The following GRIK1 variants were observed in gnomAD, a reference collection of about 807,000 sequenced individuals.
The protein encoded by GRIK1 is glutamate ionotropic receptor kainate type subunit 1, also known as glutamate receptor ionotropic, kainate 1.
GRIK1 carries 69 observed loss-of-function variants against 105.7 expected under a neutral mutation model. The ratio of observed to expected loss-of-function variants is 0.65; its 90% CI spans 0.54 to 0.80. The LOEUF (loss-of-function observed/expected upper bound fraction) is 0.80. GRIK1 is among the 30% of genes least tolerant of loss of function. GRIK1 has a pLI of 0.00. For missense variants in GRIK1, 1,109 were observed against 1,167.3 expected (o/e 0.95, Z 0.73); for synonymous variants, 438 against 431.3 (o/e 1.02, Z -0.19).
At chr21:29,898,920 C>G (rs544363124) in intron 1 of GRIK1, among the ~76,000 whole-genome samples, 1 of 151,334 alleles carries the variant, frequency 6.6e-6, no homozygotes, top group South Asian at 2.1e-4. Context: ...TGCAGTGAGC[C>G]GAGATCACGT....
At chr21:29,762,786 C>T (rs893700854) in intron 1 of GRIK1, among the ~76,000 whole-genome samples, 1 of 152,144 alleles carries the variant, frequency 6.6e-6, no homozygotes, top group Non-Finnish European at 1.5e-5. Context: ...CCAGCCAGCC[C>T]TAATTTTCTT....
At chr21:29,885,863 G>A (rs969324193) in intron 1 of GRIK1, among the ~76,000 whole-genome samples, 3 of 152,038 alleles carry the variant, frequency 2.0e-5, no homozygotes, top group Non-Finnish European at 2.9e-5. Context: ...AGAATTAAAC[G>A]TTTAAATTGC....
Position 29,738,044 on chromosome 21 carries a change from T to A in GRIK1, c.119-43981A>T, listed in dbSNP as rs1601568311. 2.6e-5 allele frequency among the ~76,000 whole-genome samples: 4 copies of A among 152,352 alleles called. No homozygotes were observed. The South Asian group carries it at 8.3e-4, about 32-fold the overall frequency. The stretch of plus-strand genomic sequence containing the variant: ...ACTACCAGAGTGGATTATTTAGAAA[T>A]GGCTGAGAGCAACCATAGAGACAGC... On this transcript the variant is annotated intron_variant, in intron 1 of 17. Transcript: ENST00000327783.
At chr21:29,538,666 A>G (rs758480362) in intron 16 of GRIK1, among the ~76,000 whole-genome samples, 3 of 152,168 alleles carry the variant, frequency 2.0e-5, no homozygotes, top group Non-Finnish European at 4.4e-5. Context: ...CACAAAATGG[A>G]TATGGTTGAA....
chr21:29,706,685 A>C (rs2252094), intron 1 of GRIK1, among the ~76,000 whole-genome samples: 31,627 of 152,188 alleles, frequency 0.21, 6,519 homozygotes, highest in African/African-American at 0.52. Flanking sequence ...GGTTGATTGA[A>C]AATAAAGGAC....
chr21:29,844,324 A>G (rs1306659315), intron 1 of GRIK1, among the ~76,000 whole-genome samples: 1 of 152,212 alleles, frequency 6.6e-6, no homozygotes, highest in Non-Finnish European at 1.5e-5. Context: ...GCTAACACCT[A>G]GCAGCACTAA....
intron 1 of GRIK1, among the ~76,000 whole-genome samples, chr21:29,936,548 C>T (rs1011978311): frequency 2.6e-5 from 4 of 152,156 alleles, no homozygotes; most frequent in African/African-American, 4.8e-5. Context: ...CACACAATTC[C>T]CAGCAACCAG....
chr21:29,541,989 T>G (rs2146091910), intron 16 of GRIK1, among the ~76,000 whole-genome samples: 1 of 152,192 alleles, frequency 6.6e-6, no homozygotes, highest in Non-Finnish European at 1.5e-5. Flanking sequence ...AAGTATGTTC[T>G]TGCCATTTAT....
chr21:29,803,892 T>C lies in GRIK1; in HGVS notation c.119-109829A>G, dbSNP rs187461359. Among the ~76,000 whole-genome samples the C allele has an allele frequency of 1.3e-3, 196 of 152,218 alleles. 1 individual carries two copies. Among genetic ancestry groups the C allele is most frequent in the African/African-American group, 4.5e-3 (185 of 41,538 alleles). On this transcript the variant is annotated intron_variant, in intron 1 of 17. Coordinates refer to ENST00000327783, the MANE Select transcript of GRIK1 (RefSeq NM_001330994.2). ...CCCATTGACTCATTTCTTGGAATTA[T>C]TTCTAGTTGGGGTCTGTAAGGAAGA... is the stretch of plus-strand genomic sequence containing the variant.
rs190952001 is a variant in GRIK1, at chr21:29,599,139, A to G, written c.1099-202T>C. ...AGCACTCATTTATTCTGTCAATTCT[A>G]ACATCCTAACCCAGTCAAACCTGTC... On this transcript the variant is annotated intron_variant, in intron 7 of 17. Coordinates refer to ENST00000327783, the MANE Select transcript of GRIK1 (RefSeq NM_001330994.2). 1.8e-4 allele frequency among the ~76,000 whole-genome samples: 28 copies of G among 152,338 alleles called. No individual in the cohort carries two copies. In the East Asian group the frequency reaches 4.4e-3, roughly 24 times the overall value.
intron 1 of GRIK1, among the ~76,000 whole-genome samples, chr21:29,707,106 C>T (rs748032373): frequency 3.9e-5 from 6 of 152,132 alleles, no homozygotes; most frequent in African/African-American, 1.2e-4. Context: ...CCTCGTGATC[C>T]GCCCTCCTCG....
intron 1 of GRIK1, among the ~76,000 whole-genome samples, chr21:29,892,545 G>C (rs1456582804): frequency 6.6e-6 from 1 of 152,206 alleles, no homozygotes; most frequent in Non-Finnish European, 1.5e-5. Flanking sequence ...GAATGGATTG[G>C]CAGGCCAGGG....
chr21:29,687,444 G>T (rs924567267), intron 3 of GRIK1, among the ~76,000 whole-genome samples: 20 of 152,128 alleles, frequency 1.3e-4, no homozygotes, highest in African/African-American at 4.6e-4. Context: ...ATTGATCTCA[G>T]TTGGCCTGTT....
intron 13 of GRIK1, among the ~76,000 whole-genome samples, chr21:29,579,927 A>G (rs2146250997): frequency 6.6e-6 from 1 of 151,114 alleles, no homozygotes; most frequent in Non-Finnish European, 1.5e-5. Flanking sequence ...AGCTGCATGC[A>G]TGCTCTGTGA....
chr21:29,713,890 C>T (rs914532131), intron 1 of GRIK1, among the ~76,000 whole-genome samples: 1 of 152,058 alleles, frequency 6.6e-6, no homozygotes, highest in African/African-American at 2.4e-5. Context: ...ATTTTTATTG[C>T]ACTAATTTGT....
chr21:29,668,785 T>TA (rs34781035), intron 4 of GRIK1, among the ~76,000 whole-genome samples: 1 of 152,166 alleles, frequency 6.6e-6, no homozygotes, highest in African/African-American at 2.4e-5. Flanking sequence ...ACTCCCTCAG[T>TA]AAAATCACAC....
chr21:29,615,337 A>T (rs904552136), intron 7 of GRIK1, among the ~76,000 whole-genome samples: 11 of 147,104 alleles, frequency 7.5e-5, no homozygotes, highest in Non-Finnish European at 4.4e-5. Flanking sequence ...TTTGATACAG[A>T]GTCTTGCTCT....
intron 1 of GRIK1, among the ~76,000 whole-genome samples, chr21:29,838,811 A>G (rs2067883921): frequency 6.6e-6 from 1 of 152,204 alleles, no homozygotes; most frequent in South Asian, 2.1e-4. Flanking sequence ...TTTGCCTGAA[A>G]AAAGAAAACA....
chr21:29,618,836 T>A (rs1357938056), intron 7 of GRIK1, among the ~76,000 whole-genome samples: 1 of 152,114 alleles, frequency 6.6e-6, no homozygotes. Flanking sequence ...GCCATAAGAA[T>A]GATACAAGGG....
Sources: allele counts gnomAD v4.1 joint callset (sites outside exome capture counted in the v4.1 genomes callset), GRCh38; gene constraint gnomAD v4.1.1; transcripts MANE v1.5; gene names NCBI Gene and HGNC (gene_info 2026-07-23, HGNC 2026-07-21).